The following NUBPL variants were observed in gnomAD, a reference collection of about 807,000 sequenced individuals.
NUBPL encodes iron-sulfur cluster transfer protein NUBPL.
Under a neutral mutation model 45.7 loss-of-function variants are expected in NUBPL, and 31 were observed. The observed-to-expected ratio is 0.68, with a 90% CI of 0.51 to 0.92. NUBPL has a LOEUF of 0.92. Ranked by LOEUF, NUBPL falls within the 40% of genes least tolerant of loss-of-function variation. The pLI is 0.00. For missense variants in NUBPL, 401 were observed against 398.7 expected, an observed-to-expected ratio of 1.01 and a Z score of -0.05; for synonymous variants, 144 against 140.9, an observed-to-expected ratio of 1.02 and a Z score of -0.15.
At chr14:31,590,146 C>CT (rs1225877281) in intron 3 of NUBPL, among the ~76,000 whole-genome samples, 1 of 151,702 alleles carries the variant, frequency 6.6e-6, no homozygotes, top group East Asian at 1.9e-4. Flanking sequence ...CAGAGCAATC[C>CT]TTTTTTTTGA....
At chr14:31,801,401 C>A (rs10150198) in intron 7 of NUBPL, among the ~76,000 whole-genome samples, 1 of 152,098 alleles carries the variant, frequency 6.6e-6, no homozygotes, top group Non-Finnish European at 1.5e-5. Flanking sequence ...CAACATTGCT[C>A]CTTCATGGTT....
At chr14:31,840,895 A>G (rs2040360594) in intron 8 of NUBPL, among the ~76,000 whole-genome samples, 1 of 152,218 alleles carries the variant, frequency 6.6e-6, no homozygotes, top group African/African-American at 2.4e-5. Context: ...GAATTATAAC[A>G]CTATAGATTA....
intron 7 of NUBPL, among the ~76,000 whole-genome samples, chr14:31,825,145 C>T (rs1166307865): frequency 6.6e-6 from 1 of 152,176 alleles, no homozygotes; most frequent in African/African-American, 2.4e-5. Flanking sequence ...ATTTCTACCA[C>T]AGCCCTCAGT....
At chr14:31,606,319 T>C (rs537210965) in intron 4 of NUBPL, among the ~76,000 whole-genome samples, 2 of 152,170 alleles carry the variant, frequency 1.3e-5, no homozygotes, top group East Asian at 3.9e-4. Context: ...CTTGAACTCC[T>C]GGACTCAAGC....
At chr14:31,674,079 TAAGAA>T (rs1335665241) in intron 6 of NUBPL, among the ~76,000 whole-genome samples, 2 of 152,332 alleles carry the variant, frequency 1.3e-5, no homozygotes, top group African/African-American at 2.4e-5. Context: ...AATTTAGCCT[TAAGAA>T]AAGAAGAGAA....
intron 6 of NUBPL, among the ~76,000 whole-genome samples, chr14:31,737,356 A>T (rs942502241): frequency 1.3e-5 from 2 of 152,210 alleles, no homozygotes; most frequent in African/African-American, 4.8e-5. Flanking sequence ...TTCCATATGG[A>T]TGTCTAGTTG....
At position 31,682,672 on chromosome 14, in the gene NUBPL, G is replaced by A. The variant is rs187722623; in HGVS notation, c.513+9098G>A. ...AGGTCCTTAGCTATCTATCCCTCTT[G>A]GTATTATTATTCTATGACTGCTTTA... On this transcript the variant is annotated intron_variant, in intron 6 of 10. Transcript: ENST00000281081. Among the ~76,000 whole-genome samples, 206 of 151,538 alleles carry A rather than the reference G, an allele frequency of 1.4e-3. 2 individuals carry two copies. Among genetic ancestry groups the A allele is most frequent in the Admixed American group, 0.012 (188 of 15,230 alleles).
intron 4 of NUBPL, among the ~76,000 whole-genome samples, chr14:31,661,572 C>G (rs369401912): frequency 3.2e-4 from 48 of 152,304 alleles, no homozygotes; most frequent in African/African-American, 7.7e-4. Flanking sequence ...GACGGAGTCT[C>G]GCACTGTCAC....
At chr14:31,762,782 C>CT (rs11385592) in intron 6 of NUBPL, among the ~76,000 whole-genome samples, 69,521 of 150,204 alleles carry the variant, frequency 0.46, 17,220 homozygotes, top group African/African-American at 0.67. Flanking sequence ...ACCAGTTAGT[C>CT]TTTTTTTTTT....
At chr14:31,602,268 T>C (rs1027918268) in intron 4 of NUBPL, among the ~76,000 whole-genome samples, 31 of 151,840 alleles carry the variant, frequency 2.0e-4, no homozygotes, top group African/African-American at 4.1e-4. Context: ...AGGGATAGCA[T>C]TGGGAGATAT....
In NUBPL at chr14:31,742,437, G is replaced by A. The variant is rs139825594; in HGVS notation, c.514-45343G>A. Reference sequence around the variant, plus strand: ...ATGCAGATTCTGATTCAGCAGGCCCGAAGTGGGGTCTTAGATTTTGTATTA... The same window carrying A: ...ATGCAGATTCTGATTCAGCAGGCCCAAAGTGGGGTCTTAGATTTTGTATTA... On this transcript the variant is annotated intron_variant, in intron 6 of 10. Coordinates refer to ENST00000281081, the MANE Select transcript of NUBPL (RefSeq NM_025152.3). 2.3e-3 allele frequency among the ~76,000 whole-genome samples: 354 copies of A among 152,188 alleles called. 1 individual carries two copies. Among genetic ancestry groups the A allele is most frequent in the African/African-American group, 8.1e-3 (336 of 41,520 alleles).
chr14:31,729,825 G>A (rs1465934430), intron 6 of NUBPL, among the ~76,000 whole-genome samples: 1 of 152,106 alleles, frequency 6.6e-6, no homozygotes, highest in African/African-American at 2.4e-5. Flanking sequence ...CTTTGACAGT[G>A]TTTATATCTC....
At chr14:31,814,482 T>C (rs1022886305) in intron 7 of NUBPL, among the ~76,000 whole-genome samples, 6 of 152,192 alleles carry the variant, frequency 3.9e-5, no homozygotes, top group African/African-American at 1.4e-4. Flanking sequence ...ATTCTATAGG[T>C]TGGCTGTTTA....
chr14:31,635,906 T>C (rs1312836096), intron 4 of NUBPL, among the ~76,000 whole-genome samples: 4 of 152,230 alleles, frequency 2.6e-5, no homozygotes, highest in Non-Finnish European at 2.9e-5. Flanking sequence ...GTTATTGGTG[T>C]GTAAGAATGC....
At chr14:31,831,383 A>G (rs2040187630) in intron 8 of NUBPL, among the ~76,000 whole-genome samples, 1 of 151,866 alleles carries the variant, frequency 6.6e-6, no homozygotes, top group Non-Finnish European at 1.5e-5. Context: ...TTTATGATCC[A>G]ATTACACTCT....
At chr14:31,716,787 T>G (rs912211087) in intron 6 of NUBPL, among the ~76,000 whole-genome samples, 4 of 152,192 alleles carry the variant, frequency 2.6e-5, no homozygotes, top group African/African-American at 9.6e-5. Context: ...AAAGTCTTCC[T>G]TCTTTTCTTG....
In NUBPL at chr14:31,602,392, TAGAAA is replaced by T. The variant is rs1197199680; in HGVS notation, c.382+3015_382+3019del. 3.5e-4 allele frequency among the ~76,000 whole-genome samples: 51 copies of T among 146,574 alleles called. 1 individual carries two copies. Among genetic ancestry groups the T allele is most frequent in the East Asian group, 2.4e-3 (12 of 5,064 alleles). ...TACCCTAAAACTTAAAGTATAATAA[TAGAAA>T]AAAAAAAGAAAAAAAAAGCAGACAT... On this transcript the variant is annotated intron_variant, in intron 4 of 10. Transcript: ENST00000281081.
chr14:31,660,571 A>T (rs1236876221), intron 4 of NUBPL, among the ~76,000 whole-genome samples: 3 of 152,180 alleles, frequency 2.0e-5, no homozygotes, highest in African/African-American at 4.8e-5. Flanking sequence ...TTAAAAATAA[A>T]TATTTTTTCT....
intron 8 of NUBPL, among the ~76,000 whole-genome samples, chr14:31,842,189 G>T (rs2040387792): frequency 6.6e-6 from 1 of 151,788 alleles, no homozygotes; most frequent in African/African-American, 2.4e-5. Flanking sequence ...GCCTCCCAAA[G>T]AGCTGGGATT....
Sources: allele counts gnomAD v4.1 joint callset (sites outside exome capture counted in the v4.1 genomes callset), GRCh38; gene constraint gnomAD v4.1.1; transcripts MANE v1.5; gene names NCBI Gene and HGNC (gene_info 2026-07-23, HGNC 2026-07-21).